ARHGEF18: variants seen among roughly 807,000 people sequenced by gnomAD.
ARHGEF18 encodes Rho/Rac guanine nucleotide exchange factor 18.
ARHGEF18 carries 93 observed loss-of-function variants against 155.7 expected under a neutral mutation model. That is an observed-to-expected ratio of 0.60 (90% CI 0.50 to 0.71). The LOEUF (loss-of-function observed/expected upper bound fraction) is 0.71. ARHGEF18 is among the 30% of genes least tolerant of loss of function. The pLI, the probability that ARHGEF18 is intolerant of heterozygous loss-of-function variation, is 0.00. For synonymous variants in ARHGEF18, 742 were observed against 753.1 expected, an observed-to-expected ratio of 0.99 and a Z score of 0.24; for missense variants, 1,593 against 1,816.1, an observed-to-expected ratio of 0.88 and a Z score of 2.23.
chr19:7,439,976 AC>A, intron 10 of ARHGEF18: 1 of 1,544,916 alleles, frequency 6.5e-7, no homozygotes, highest in Non-Finnish European at 8.7e-7. Flanking sequence ...TGCCCTCCAG[AC>A]CCGCTGCTTC....
chr19:7,443,687 T>A (rs965387789), intron 13 of ARHGEF18, among the ~76,000 whole-genome samples: 8 of 152,072 alleles, frequency 5.3e-5, no homozygotes, highest in Non-Finnish European at 1.2e-4. Flanking sequence ...CACACACAGA[T>A]GTGATGGATG....
At chr19:7,458,441 C>A in intron 18 of ARHGEF18, 71 bp from the exon 19 acceptor site, 1 of 1,475,820 alleles carries the variant, frequency 6.8e-7, no homozygotes, top group Non-Finnish European at 9.3e-7. Context: ...CCTCACCAGG[C>A]CCTTGACCTC....
rs1210548362 is a variant in ARHGEF18, at chr19:7,442,049, T to C, written c.1357T>C (p.Tyr453His). The change falls in exon 13 of 29, where the codon TAT becomes CAT. Residue 453 changes from tyrosine (Y) to histidine (H), a missense_variant. Coordinates refer to ENST00000668164, the MANE Select transcript of ARHGEF18 (RefSeq NM_001367823.1). ...GGTGGTGAAAAGACAAGATGTCCTT[T>C]ATGGTGAGGAGTCCACAGCCCTGTG... The part of the protein sequence containing the change: ...REVVKRQDVL[Y>H]ELMQTEVHHV... 6.2e-7 allele frequency: 1 copy of C among 1,613,940 alleles called. No homozygotes were observed. Among genetic ancestry groups the C allele is most frequent in the South Asian group, 1.1e-5 (1 of 91,072 alleles).
At chr19:7,441,868 C>T (rs1974667926) in intron 12 of ARHGEF18, 44 bp from the exon 13 acceptor site, 2 of 1,613,182 alleles carry the variant, frequency 1.2e-6, no homozygotes, top group Non-Finnish European at 1.7e-6. Context: ...ATTGGGGTGG[C>T]ATGGCTCTGG....
At chr19:7,362,996 T>G in intron 2 of ARHGEF18, 91 bp downstream of exon 2, 1 of 1,215,506 alleles carries the variant, frequency 8.2e-7, no homozygotes, top group East Asian at 3.2e-5. Context: ...ACCAGGCACT[T>G]TGTGTACATT....
chr19:7,406,423 CTG>C (rs1972310715), intron 10 of ARHGEF18, among the ~76,000 whole-genome samples: 1 of 152,148 alleles, frequency 6.6e-6, no homozygotes, highest in Admixed American at 6.6e-5. Context: ...TCTGAATTCT[CTG>C]TGAATATAAT....
Position 7,451,866 on chromosome 19 carries a change from C to T in ARHGEF18, c.1855+600C>T, listed in dbSNP as rs139110835. 3.7e-3 allele frequency among the ~76,000 whole-genome samples: 570 copies of T among 152,130 alleles called. 2 individuals are homozygous for T. The highest frequency in any genetic ancestry group is 6.3e-3 in the Non-Finnish European group (428 of 67,998). ...ACTCCCGAGTAGCTAGGACTACAGG[C>T]GCCCACCACCACACCTAGCTAACTT... is the stretch of plus-strand genomic sequence containing the variant. On this transcript the variant is annotated intron_variant, in intron 16 of 28. Transcript: ENST00000668164.
At chr19:7,354,509 CA>C (rs144170323) in intron 1 of ARHGEF18, among the ~76,000 whole-genome samples, 2,988 of 152,186 alleles carry the variant, frequency 0.02, 80 homozygotes, top group African/African-American at 0.067. Flanking sequence ...TTTTCAGACA[CA>C]AGGAGTGAAG....
At chr19:7,409,022 T>TGCATTCCA (rs929061981) in intron 10 of ARHGEF18, among the ~76,000 whole-genome samples, 28 of 150,688 alleles carry the variant, frequency 1.9e-4, no homozygotes, top group Non-Finnish European at 3.7e-4. Context: ...ATTGCACCAC[T>TGCATTCCA]GCATTCCAGC....
rs2145926044 is a variant in ARHGEF18, at chr19:7,470,464, T to C, written c.*166T>C. The C allele has an allele frequency of 1.7e-6, 1 of 575,272 alleles. No homozygotes were observed. Among genetic ancestry groups the C allele is most frequent in the South Asian group, 8.2e-5 (1 of 12,164 alleles). 35.6% of individuals were successfully genotyped at this position (575,272 alleles called of 1,614,324 possible). On this transcript the variant is annotated 3_prime_UTR_variant, in exon 29 of 29. Coordinates refer to ENST00000668164, the MANE Select transcript of ARHGEF18 (RefSeq NM_001367823.1). The surrounding 1 kb of genome is among the most constrained non-coding windows in gnomAD (Gnocchi z 5.9). Reference sequence around the variant, plus strand: ...GCCAGCCTGTCGGTGCTCTGGGCCTTGCAGCTGTTTCTGTAGGGTTAGCGG... The same window carrying C: ...GCCAGCCTGTCGGTGCTCTGGGCCTCGCAGCTGTTTCTGTAGGGTTAGCGG...
At chr19:7,375,104 T>C (rs951633320) in intron 3 of ARHGEF18, among the ~76,000 whole-genome samples, 6 of 152,010 alleles carry the variant, frequency 3.9e-5, no homozygotes, top group Non-Finnish European at 7.4e-5. Context: ...AAACCCTGTC[T>C]GTACTAAAAA....
intron 1 of ARHGEF18, among the ~76,000 whole-genome samples, chr19:7,358,605 C>T (rs1363150077): frequency 6.6e-6 from 1 of 152,124 alleles, no homozygotes; most frequent in Non-Finnish European, 1.5e-5. Flanking sequence ...CCCATTTATC[C>T]AAATATATGG....
At chr19:7,445,462 G>A (rs1373657624) in intron 14 of ARHGEF18, among the ~76,000 whole-genome samples, 1 of 152,016 alleles carries the variant, frequency 6.6e-6, no homozygotes, top group African/African-American at 2.4e-5. Flanking sequence ...GTGGGGGAAA[G>A]CATACCTGTG....
intron 15 of ARHGEF18, among the ~76,000 whole-genome samples, chr19:7,449,260 T>G (rs34951483): frequency 0.18 from 28,098 of 151,906 alleles, 2,875 homozygotes; most frequent in Non-Finnish European, 0.23. Flanking sequence ...TTTTGGTTCT[T>G]AGCCAGAGGT....
In ARHGEF18 at chr19:7,440,219, C is replaced by G. The variant is rs770000138; in HGVS notation, c.968-125C>G. 6.4e-7 allele frequency: 1 copy of G among 1,551,798 alleles called. No homozygotes were observed. The stretch of plus-strand genomic sequence containing the variant: ...GGAGCGAGAACGTCTTCTTGGATAA[C>G]GAGCTGCTGACCTCCAAGATCCTGT... On this transcript the variant is annotated intron_variant, in intron 10 of 28. Transcript: ENST00000668164. This position sits in a 1 kb window ranked among gnomAD's most constrained non-coding sequence, Gnocchi z 5.4.
At chr19:7,424,556 G>A (rs1973544841) in intron 10 of ARHGEF18, among the ~76,000 whole-genome samples, 1 of 152,194 alleles carries the variant, frequency 6.6e-6, no homozygotes. Context: ...TGAAATACTT[G>A]TGTGTTCCCT....
At chr19:7,380,082 C>T (rs1057090177) in intron 7 of ARHGEF18, among the ~76,000 whole-genome samples, 37 of 147,994 alleles carry the variant, frequency 2.5e-4, no homozygotes, top group South Asian at 4.3e-4. Context: ...GGGGTGTTGA[C>T]GCAGGAGGAT....
At chr19:7,460,776 AT>A (rs955845774) in intron 20 of ARHGEF18, among the ~76,000 whole-genome samples, 5 of 149,190 alleles carry the variant, frequency 3.4e-5, no homozygotes, top group Admixed American at 6.7e-5. Context: ...CACTGTCTGT[AT>A]TTTTTTTTAT....
intron 10 of ARHGEF18, among the ~76,000 whole-genome samples, chr19:7,420,256 C>A (rs960279528): frequency 6.6e-6 from 1 of 152,180 alleles, no homozygotes; most frequent in East Asian, 1.9e-4. Context: ...GCCACCACGG[C>A]CAGCTGAGCA....
Sources: allele counts gnomAD v4.1 joint callset (sites outside exome capture counted in the v4.1 genomes callset), GRCh38; gene constraint gnomAD v4.1.1; non-coding constraint Gnocchi (gnomAD v3.1); transcripts MANE v1.5; gene names NCBI Gene and HGNC (gene_info 2026-07-23, HGNC 2026-07-21).